MORN3: variants seen among roughly 807,000 people sequenced by gnomAD.
The protein encoded by MORN3 is MORN repeat containing 3.
A neutral mutation model predicts 34.7 loss-of-function variants in MORN3; 38 were observed. The ratio of observed to expected loss-of-function variants is 1.10; its 90% CI spans 0.85 to 1.44. MORN3 has a LOEUF of 1.44. MORN3 is among the 40% of genes most tolerant of loss of function. The pLI is 0.00. For synonymous variants in MORN3, 109 were observed against 115.3 expected, an observed-to-expected ratio of 0.95 and a Z score of 0.35; for missense variants, 311 against 321.7, an observed-to-expected ratio of 0.97 and a Z score of 0.25.
chr12:121,668,190 A>G (rs1271856925), intron 1 of MORN3, among the ~76,000 whole-genome samples: 1 of 150,782 alleles, frequency 6.6e-6, no homozygotes, highest in Non-Finnish European at 1.5e-5. Flanking sequence ...ATCCTAACCC[A>G]GGTTTATTTG....
At chr12:121,666,459 G>A (rs532424269) in intron 1 of MORN3, among the ~76,000 whole-genome samples, 7 of 152,106 alleles carry the variant, frequency 4.6e-5, no homozygotes, top group African/African-American at 9.6e-5. Context: ...AGCCGAGATC[G>A]CAGCACTGCA....
intron 1 of MORN3, among the ~76,000 whole-genome samples, chr12:121,660,214 C>G (rs1446731941): frequency 6.7e-6 from 1 of 149,924 alleles, no homozygotes; most frequent in Non-Finnish European, 1.5e-5. Flanking sequence ...GCCGAGATGA[C>G]GTCATTGCAC....
upstream of MORN3, among the ~76,000 whole-genome samples, chr12:121,670,741 G>A (rs965408581): frequency 1.1e-4 from 16 of 151,654 alleles, no homozygotes; most frequent in Admixed American, 2.6e-4. Flanking sequence ...TCCAGGAGGC[G>A]GAGGTTGCAG....
chr12:121,654,153 A>T, intron 3 of MORN3, 121 bp downstream of exon 3: 1 of 743,486 alleles, frequency 1.3e-6, no homozygotes, highest in African/African-American at 1.9e-5. Context: ...CATTGACACA[A>T]GGGTCAGTGT....
At chr12:121,659,831 G>A (rs762395747) in intron 1 of MORN3, among the ~76,000 whole-genome samples, 2 of 151,670 alleles carry the variant, frequency 1.3e-5, no homozygotes, top group African/African-American at 2.4e-5. Context: ...CGTCCGGCCA[G>A]AGGTAATTCT....
rs180759164 is a variant in MORN3 at position 121,660,686 on chromosome 12, A to G, written c.146-1338T>C. 1.9e-3 allele frequency among the ~76,000 whole-genome samples: 161 copies of G among 84,044 alleles called. 1 individual carries two copies. In the East Asian group the frequency reaches 0.057, roughly 30 times the overall value. 55.1% of individuals were successfully genotyped at this position (84,044 alleles called of 152,430 possible). The stretch of plus-strand genomic sequence containing the variant: ...TCTTTCTTTCTTTTTTTTTTTTTTT[A>G]AGACGGAGTTTTGCTATCGTTGCCT... On this transcript the variant is annotated intron_variant, in intron 1 of 5. Coordinates refer to ENST00000355329, the MANE Select transcript of MORN3 (RefSeq NM_173855.5).
In MORN3 at chr12:121,650,238, C is replaced by T. The variant is rs1240273987; in HGVS notation, c.*1413G>A. The T allele has an allele frequency of 6.6e-6, 1 of 152,144 alleles. No homozygotes were observed. The highest frequency in any genetic ancestry group is 1.5e-5 in the Non-Finnish European group (1 of 68,068). The allele number at this position is 152,144 out of a possible 1,614,324, so 9.4% of individuals were successfully genotyped here. A position where few individuals can be genotyped will look rare whatever the true frequency, so the allele number is the denominator to read the frequency against. On this transcript the variant is annotated 3_prime_UTR_variant, in exon 6 of 6. Coordinates refer to ENST00000355329, the MANE Select transcript of MORN3 (RefSeq NM_173855.5). ...AGCTCACCTGCCCATTATGCAAGAA[C>T]ATCTGATCTTGGCTGGGAGCAGTGG...
chr12:121,653,231 C>T lies in MORN3; in HGVS notation c.492G>A (p.Trp164Ter). The change falls in exon 4 of 6, where the codon TGG (tryptophan) becomes TGA (stop). Residue 164 changes from tryptophan to a stop codon, truncating the protein, a stop_gained. Coordinates refer to ENST00000355329, the MANE Select transcript of MORN3 (RefSeq NM_173855.5). LOFTEE classifies it high-confidence loss of function. The stretch of plus-strand genomic sequence containing the variant: ...CCGCCCCGTTCTTCATGCCTCTCTC[C>T]CAGCAGCCCTCGTAGCGGTTCCCGT... Reference protein sequence around the residue: ...LKNGNRYEGCWERGMKNGAGR... With the variant: ...LKNGNRYEGC The T allele has an allele frequency of 1.2e-6, 2 of 1,614,144 alleles. No individual in the cohort carries two copies. The highest frequency in any genetic ancestry group is 1.7e-6 in the Non-Finnish European group (2 of 1,180,028).
At chr12:121,654,189 G>T (rs1253889719) in intron 3 of MORN3, 85 bp downstream of exon 3, 24 of 1,173,016 alleles carry the variant, frequency 2.0e-5, no homozygotes, top group Non-Finnish European at 2.7e-5. Context: ...GGTGTGGCCT[G>T]TCTCTGTGGG....
chr12:121,654,042 G>T (rs1893328690), intron 3 of MORN3, among the ~76,000 whole-genome samples: 1 of 152,138 alleles, frequency 6.6e-6, no homozygotes. Flanking sequence ...TTCTGTCTCT[G>T]TGGAGGTGCG....
At position 121,669,513 on chromosome 12, in the gene MORN3, C is replaced by T. The variant is rs1194383369; in HGVS notation, c.-30G>A. 3 of 1,611,176 alleles carry T rather than the reference C, an allele frequency of 1.9e-6. No individual in the cohort carries two copies. In the South Asian group the frequency reaches 3.3e-5, roughly 18 times the overall value. On this transcript the variant is annotated 5_prime_UTR_variant, in exon 1 of 6. Transcript: ENST00000355329. ...GCTGCTTCTGCAAGGCTGGAGGGTG[C>T]TGGAAAGGGGTTAGGGACATCTGGG...
chr12:121,663,188 C>T (rs1024332521), intron 1 of MORN3, among the ~76,000 whole-genome samples: 11 of 149,328 alleles, frequency 7.4e-5, no homozygotes, highest in African/African-American at 2.7e-4. Flanking sequence ...CTAATAATTT[C>T]GAAATGTAGA....
Position 121,660,967 on chromosome 12 carries a change from C to T in MORN3, c.146-1619G>A, listed in dbSNP as rs147592048. On this transcript the variant is annotated intron_variant, in intron 1 of 5. Coordinates refer to ENST00000355329, the MANE Select transcript of MORN3 (RefSeq NM_173855.5). ...TACAGGCGTGAGCCACCGCGCCTGG[C>T]CTTTTTCTTTCTTTTTTTTAGACAG... Among the ~76,000 whole-genome samples the T allele has an allele frequency of 1.2e-3, 179 of 152,146 alleles. 1 individual carries two copies. The East Asian group carries it at 0.031, about 26-fold the overall frequency.
At chr12:121,661,595 G>T (rs773526725) in intron 1 of MORN3, among the ~76,000 whole-genome samples, 16 of 152,040 alleles carry the variant, frequency 1.1e-4, no homozygotes, top group South Asian at 2.1e-4. Context: ...CTTATGGGGG[G>T]GCTGGGCGCA....
At chr12:121,651,720 A>T (rs1389718031) in intron 5 of MORN3, 76 bp from the exon 6 acceptor site, 1 of 152,236 alleles carries the variant, frequency 6.6e-6, no homozygotes, top group Non-Finnish European at 1.5e-5. Context: ...AAACCCTCAC[A>T]TCATGCCCAG....
chr12:121,665,226 G>C (rs903127578), intron 1 of MORN3, among the ~76,000 whole-genome samples: 8 of 143,346 alleles, frequency 5.6e-5, no homozygotes, highest in Non-Finnish European at 7.5e-5. Context: ...GGAGTACCTC[G>C]TATAGGAGTC....
At chr12:121,669,223 G>A (rs1325706489) in intron 1 of MORN3, 116 bp downstream of exon 1, 16 of 1,383,040 alleles carry the variant, frequency 1.2e-5, no homozygotes, top group African/African-American at 1.4e-5. Context: ...TCACCCTGGG[G>A]GAGCCTTGGG....
intron 5 of MORN3, among the ~76,000 whole-genome samples, 172 bp downstream of exon 5, chr12:121,652,556 C>T (rs769237038): frequency 6.6e-6 from 1 of 152,160 alleles, no homozygotes; most frequent in Non-Finnish European, 1.5e-5. Context: ...GAAGAGGAAG[C>T]GTCAAAAAGG....
chr12:121,653,174 C>T lies in MORN3; in HGVS notation c.549G>A (p.Leu183=), dbSNP rs1893301694. 1 of 1,614,214 alleles carries T rather than the reference C, an allele frequency of 6.2e-7. No homozygotes were observed. Among genetic ancestry groups the T allele is most frequent in the East Asian group, 2.2e-5 (1 of 44,884 alleles). The change falls in exon 4 of 6, where the codon CTG becomes CTA. Residue 183 remains leucine (L), a synonymous_variant. Coordinates refer to ENST00000355329, the MANE Select transcript of MORN3 (RefSeq NM_173855.5). Reference sequence around the variant, plus strand: ...TATTGTCCACCCAGAAGCCTTCAAACAGCTGGCCGTGGTCCAGATGGAAGA... The same window carrying T: ...TATTGTCCACCCAGAAGCCTTCAAATAGCTGGCCGTGGTCCAGATGGAAGA... ...GRFFHLDHGQ[L]FEGFWVDNMA...
Sources: gnomAD v4.1 joint callset for allele counts (sites outside exome capture counted in the v4.1 genomes callset) on GRCh38, gnomAD v4.1.1 for gene constraint, MANE v1.5 for transcripts, NCBI Gene and HGNC (gene_info 2026-07-23, HGNC 2026-07-21) for gene names.